Variants in BTBD8 observed in about 807,000 individuals in gnomAD.
BTBD8 encodes the protein BTB domain containing 8.
BTBD8 carries 110 observed loss-of-function variants against 162.9 expected under a neutral mutation model. The observed-to-expected ratio is 0.68, with a 90% CI of 0.58 to 0.79. BTBD8 has a LOEUF of 0.79. Among genes scored for constraint, BTBD8 ranks in the 30% least tolerant of loss-of-function variants. BTBD8 has a pLI of 0.00. For missense variants in BTBD8, 1,905 were observed against 2,085.4 expected (o/e 0.91, Z 1.68); for synonymous variants, 667 against 716.1 (o/e 0.93, Z 1.10).
intron 9 of BTBD8, among the ~76,000 whole-genome samples, 184 bp from the exon 10 acceptor site, chr1:92,166,774 C>T (rs1012402347): frequency 1.3e-5 from 2 of 152,044 alleles, no homozygotes; most frequent in Non-Finnish European, 2.9e-5. Context: ...AAACTTTACC[C>T]TTTTGAATAA....
intron 5 of BTBD8, among the ~76,000 whole-genome samples, chr1:92,135,091 A>G (rs916957693): frequency 6.6e-6 from 1 of 151,824 alleles, no homozygotes; most frequent in Non-Finnish European, 1.5e-5. Flanking sequence ...GGGTTTCTCC[A>G]TGTTGATCAG....
chr1:92,179,323 C>T (rs1650817977), intron 16 of BTBD8, among the ~76,000 whole-genome samples: 1 of 151,936 alleles, frequency 6.6e-6, no homozygotes, highest in South Asian at 2.1e-4. Context: ...AAGAATTTCC[C>T]TTCCAGAATC....
intron 7 of BTBD8, 152 bp downstream of exon 7, chr1:92,141,363 T>A: frequency 1.1e-6 from 1 of 889,760 alleles, no homozygotes; most frequent in Non-Finnish European, 1.6e-6. Flanking sequence ...ATAATTCATA[T>A]GATCTGCTTG....
intron 9 of BTBD8, among the ~76,000 whole-genome samples, chr1:92,154,582 T>A (rs1650117042): frequency 6.6e-6 from 1 of 152,200 alleles, no homozygotes; most frequent in African/African-American, 2.4e-5. Flanking sequence ...TTGTATGTCA[T>A]CTTTGGTGAA....
chr1:92,139,919 T>C (rs2101939648), intron 6 of BTBD8: 1 of 86,268 alleles, frequency 1.2e-5, no homozygotes, highest in Non-Finnish European at 2.1e-5. Context: ...AAACCTCGTC[T>C]CTACTAAAAA....
chr1:92,161,558 G>T (rs1387919992), intron 9 of BTBD8, among the ~76,000 whole-genome samples: 1 of 152,152 alleles, frequency 6.6e-6, no homozygotes, highest in African/African-American at 2.4e-5. Flanking sequence ...GCGAAACATA[G>T]GATAGTATTA....
chr1:92,121,010 G>A (rs770178443), intron 4 of BTBD8, among the ~76,000 whole-genome samples: 4 of 152,088 alleles, frequency 2.6e-5, no homozygotes, highest in Non-Finnish European at 5.9e-5. Context: ...TGATCTGCCC[G>A]CCTCAGCCTC....
chr1:92,179,860 C>T (rs1650833026), intron 16 of BTBD8, among the ~76,000 whole-genome samples: 2 of 152,112 alleles, frequency 1.3e-5, no homozygotes, highest in Non-Finnish European at 2.9e-5. Context: ...TCCTTTTCAG[C>T]TATGTAGAGC....
intron 9 of BTBD8, among the ~76,000 whole-genome samples, chr1:92,151,637 C>G (rs1650049103): frequency 6.6e-6 from 1 of 151,682 alleles, no homozygotes; most frequent in African/African-American, 2.4e-5. Context: ...TTTAGTGTAC[C>G]CATCACCTGA....
rs1367816790 is a variant in BTBD8 at position 92,167,910 on chromosome 1, T to C, written c.1368T>C (p.Asn456=). The C allele has an allele frequency of 6.4e-7, 1 of 1,550,826 alleles. No individual in the cohort carries two copies. The highest frequency in any genetic ancestry group is 1.4e-5 in the African/African-American group (1 of 73,140). Reference sequence around the variant, plus strand: ...CAATTTTAAAAGCAATTGAAGAAAATATCACCACTGAAAATAGCTGCTCTC... The same window carrying C: ...CAATTTTAAAAGCAATTGAAGAAAACATCACCACTGAAAATAGCTGCTCTC... The part of the protein sequence containing the change: ...LDTILKAIEE[N]ITTENSCSLL... The change falls in exon 11 of 18, where the codon AAT becomes AAC. Residue 456 remains asparagine, a synonymous_variant. Coordinates refer to ENST00000636805, the MANE Select transcript of BTBD8 (RefSeq NM_001376131.1).
Position 92,088,698 on chromosome 1 carries a change from G to T in BTBD8, c.150G>T (p.Arg50Ser), listed in dbSNP as rs1429334910. The T allele has an allele frequency of 2.5e-6, 4 of 1,573,428 alleles. No individual in the cohort carries two copies. Among genetic ancestry groups the T allele is most frequent in the Admixed American group, 1.9e-5 (1 of 53,866 alleles). The change falls in exon 2 of 18, where the codon AGG becomes AGT. Residue 50 changes from arginine to serine, a missense_variant and splice_region_variant. Arg to Ser is a moderately radical substitution (Grantham distance 110). Coordinates refer to ENST00000636805, the MANE Select transcript of BTBD8 (RefSeq NM_001376131.1). ...VSEQLSQDLL[R>S]LLREEFHTDV... ...TATGATTCCTTTTTATTCCTTATAG[G>T]CTTCTAAGGGAAGAATTCCATACAG...
At chr1:92,125,348 T>C in intron 4 of BTBD8, 1 of 219,368 alleles carries the variant, frequency 4.6e-6, no homozygotes, top group South Asian at 7.1e-5. Context: ...GCATAGCCTT[T>C]GAGAATGTGA....
intron 3 of BTBD8, among the ~76,000 whole-genome samples, chr1:92,106,942 C>T (rs1398604176): frequency 2.0e-5 from 3 of 151,870 alleles, no homozygotes; most frequent in East Asian, 1.9e-4. Context: ...AGCATGGTGG[C>T]GTACACCTGT....
chr1:92,180,993 T>C lies in BTBD8; in HGVS notation c.3310T>C (p.Ser1104Pro). 6.4e-7 allele frequency: 1 copy of C among 1,551,814 alleles called. No homozygotes were observed. The highest frequency in any genetic ancestry group is 8.7e-7 in the Non-Finnish European group (1 of 1,147,024). Residue 1104 changes from serine to proline, a missense_variant, in exon 17 of 18, where the codon TCT (serine) becomes CCT (proline). By Grantham distance (74) the Ser-to-Pro change is moderately conservative. This residue lies in a region of BTBD8 where 1,374 missense variants were observed against 1,442.7 expected (regional missense o/e 0.95). Transcript: ENST00000636805. ...AAATCCAAATGAAAACTCCTTGAAC[T>C]CTAATCCAGTTTGTGATTTAGACTC... ...VSNPNENSLN[S>P]NPVCDLDSTS...
intron 4 of BTBD8, among the ~76,000 whole-genome samples, chr1:92,111,350 CCTTT>C (rs1648890270): frequency 6.6e-6 from 1 of 152,144 alleles, no homozygotes. Context: ...TTCCAGAATA[CCTTT>C]CTTATCAATG....
At chr1:92,103,859 T>G (rs902394941) in intron 3 of BTBD8, among the ~76,000 whole-genome samples, 1 of 152,226 alleles carries the variant, frequency 6.6e-6, no homozygotes, top group Non-Finnish European at 1.5e-5. Context: ...GGTGCTCTGC[T>G]CAGACAGGTC....
chr1:92,158,743 A>G (rs989379652), intron 9 of BTBD8, among the ~76,000 whole-genome samples: 2 of 152,104 alleles, frequency 1.3e-5, no homozygotes, highest in Non-Finnish European at 2.9e-5. Flanking sequence ...CTTTCCTCTC[A>G]GTTTTGCTGT....
chr1:92,181,846 A>C lies in BTBD8; in HGVS notation c.4163A>C (p.Glu1388Ala), dbSNP rs892530902. The C allele has an allele frequency of 5.2e-6, 8 of 1,551,086 alleles. No homozygotes were observed. The highest frequency in any genetic ancestry group is 7.0e-6 in the Non-Finnish European group (8 of 1,146,902). ...VSSSADETED[E>A]RSEAENVAEN... is the part of the protein sequence containing the mutation. The stretch of plus-strand genomic sequence containing the variant: ...TCTTCAGCAGATGAAACAGAAGATG[A>C]AAGATCTGAAGCTGAAAACGTTGCA... The change falls in exon 17 of 18, where the codon GAA becomes GCA. Residue 1388 changes from glutamate to alanine, a missense_variant. By Grantham distance (107) the Glu-to-Ala change is moderately radical. Around this residue, in one of 3 missense-constraint regions of BTBD8, gnomAD observed 517 missense variants for 606.6 expected, o/e 0.85. Transcript: ENST00000636805.
At position 92,097,387 on chromosome 1, in the gene BTBD8, T is replaced by G. The variant is rs1267221507; in HGVS notation, c.348-5086T>G. ...TTCCTCCCATCTACTCTTTTTTTAA[T>G]GGATATAATTTTCACATACTATAAA... On this transcript the variant is annotated intron_variant, in intron 2 of 17. Coordinates refer to ENST00000636805, the MANE Select transcript of BTBD8 (RefSeq NM_001376131.1). 2.0e-5 allele frequency among the ~76,000 whole-genome samples: 3 copies of G among 152,216 alleles called. No homozygotes were observed. In the East Asian group the frequency reaches 5.8e-4, roughly 29 times the overall value.
Sources: gnomAD v4.1 joint callset for allele counts (sites outside exome capture counted in the v4.1 genomes callset) on GRCh38, gnomAD v4.1.1 for gene constraint, gnomAD v4.1.1 regional missense constraint, MANE v1.5 for transcripts, NCBI Gene and HGNC (gene_info 2026-07-23, HGNC 2026-07-21) for gene names.